The following AK5 variants were observed in gnomAD, a reference collection of about 807,000 sequenced individuals.
AK5 encodes adenylate kinase 5.
AK5 carries 27 observed loss-of-function variants against 69.5 expected under a neutral mutation model. The ratio of observed to expected loss-of-function variants is 0.39; its 90% CI spans 0.29 to 0.54. The LOEUF (loss-of-function observed/expected upper bound fraction) is 0.54. Among genes scored for constraint, AK5 ranks in the 20% least tolerant of loss-of-function variants. AK5 has a pLI of 0.71. For missense variants in AK5, 531 were observed against 700.4 expected (o/e 0.76, Z 2.73); for synonymous variants, 260 against 244.4 (o/e 1.06, Z -0.60).
intron 8 of AK5, among the ~76,000 whole-genome samples, chr1:77,477,302 A>G (rs1284592603): frequency 6.6e-6 from 1 of 152,184 alleles, no homozygotes; most frequent in Non-Finnish European, 1.5e-5. Flanking sequence ...TGCTGGGATT[A>G]TAGACATGAG....
At chr1:77,282,796 G>A in intron 1 of AK5, 2 of 995,190 alleles carry the variant, frequency 2.0e-6, no homozygotes, top group Non-Finnish European at 2.4e-6. Flanking sequence ...TCTGCTGGTC[G>A]AGGGTCGGAA....
At chr1:77,535,658 A>G (rs1289422099) in intron 12 of AK5, among the ~76,000 whole-genome samples, 189 bp from the exon 13 acceptor site, 1 of 152,162 alleles carries the variant, frequency 6.6e-6, no homozygotes, top group Non-Finnish European at 1.5e-5. Flanking sequence ...GCTCTGAGGC[A>G]GTGTGTAGAA....
chr1:77,376,456 A>C (rs1461595965), intron 6 of AK5, among the ~76,000 whole-genome samples: 3 of 146,344 alleles, frequency 2.0e-5, no homozygotes, highest in African/African-American at 7.5e-5. Context: ...AAAAACAAAA[A>C]AAAAAAACAT....
At chr1:77,484,159 CA>C (rs35490046) in intron 9 of AK5, among the ~76,000 whole-genome samples, 55,829 of 122,776 alleles carry the variant, frequency 0.45, 10,703 homozygotes, top group Middle Eastern at 0.56. Context: ...GACTACGTCT[CA>C]AAAAAAAAAA....
At chr1:77,341,382 T>C (rs1252412880) in intron 6 of AK5, among the ~76,000 whole-genome samples, 1 of 152,222 alleles carries the variant, frequency 6.6e-6, no homozygotes, top group African/African-American at 2.4e-5. Context: ...GACAGCTAGA[T>C]GGTGGCAGAC....
rs554288424 is a variant in AK5, at chr1:77,351,258, G to T, written c.891+10690G>T. Among the ~76,000 whole-genome samples the T allele has an allele frequency of 1.4e-4, 21 of 152,202 alleles. No homozygotes were observed. In the East Asian group the frequency reaches 3.9e-3, roughly 28 times the overall value. On this transcript the variant is annotated intron_variant, in intron 6 of 13. Coordinates refer to ENST00000354567, the MANE Select transcript of AK5 (RefSeq NM_174858.3). ...AAAATACAAAAAATTAGTTGGGCAT[G>T]GTGGTGCACACCTGCAGTCCCGGCT...
intron 6 of AK5, among the ~76,000 whole-genome samples, chr1:77,373,409 G>A (rs1326035047): frequency 1.3e-5 from 2 of 152,152 alleles, no homozygotes; most frequent in African/African-American, 4.8e-5. Flanking sequence ...TATTTGCTGA[G>A]GTAGTGAGTG....
chr1:77,362,722 A>G (rs1646886511), intron 6 of AK5, among the ~76,000 whole-genome samples: 1 of 152,198 alleles, frequency 6.6e-6, no homozygotes, highest in African/African-American at 2.4e-5. Context: ...GAAAAATCAA[A>G]TCAGTAGTAA....
At chr1:77,526,830 C>T (rs1359848961) in intron 12 of AK5, among the ~76,000 whole-genome samples, 1 of 151,504 alleles carries the variant, frequency 6.6e-6, no homozygotes, top group African/African-American at 2.4e-5. Context: ...TCTTGAAACC[C>T]TCAAATGATC....
chr1:77,379,764 G>A (rs1647496361), intron 6 of AK5, among the ~76,000 whole-genome samples: 1 of 152,136 alleles, frequency 6.6e-6, no homozygotes, highest in South Asian at 2.1e-4. Context: ...CATTACTGCT[G>A]TTTGATCTCC....
intron 6 of AK5, among the ~76,000 whole-genome samples, chr1:77,365,804 G>A (rs923240069): frequency 5.3e-5 from 8 of 152,152 alleles, no homozygotes; most frequent in African/African-American, 1.9e-4. Flanking sequence ...TGGGACTTGG[G>A]GACCTCTGCT....
At chr1:77,525,067 T>C (rs981088506) in intron 12 of AK5, among the ~76,000 whole-genome samples, 1 of 152,092 alleles carries the variant, frequency 6.6e-6, no homozygotes, top group African/African-American at 2.4e-5. Context: ...CCACCACGCC[T>C]GGCTAATTTT....
chr1:77,437,628 CA>C (rs1652032819), intron 8 of AK5, among the ~76,000 whole-genome samples: 1 of 152,210 alleles, frequency 6.6e-6, no homozygotes, highest in South Asian at 2.1e-4. Flanking sequence ...AATATTCAAA[CA>C]TTTTCATTTT....
chr1:77,545,997 A>C (rs1659526606), intron 13 of AK5, among the ~76,000 whole-genome samples: 1 of 152,150 alleles, frequency 6.6e-6, no homozygotes, highest in Non-Finnish European at 1.5e-5. Flanking sequence ...GACTCTGCTT[A>C]AAATAGTCTT....
intron 8 of AK5, among the ~76,000 whole-genome samples, chr1:77,464,151 G>A (rs1654003905): frequency 6.6e-6 from 1 of 152,190 alleles, no homozygotes; most frequent in South Asian, 2.1e-4. Flanking sequence ...ATTCAGGCTT[G>A]CAGACAATTT....
At chr1:77,364,313 A>G (rs1194138214) in intron 6 of AK5, among the ~76,000 whole-genome samples, 2 of 152,200 alleles carry the variant, frequency 1.3e-5, no homozygotes, top group East Asian at 1.9e-4. Context: ...GTAAGGTGCA[A>G]TGATCAGATC....
At chr1:77,303,465 T>G (rs1659455079) in intron 5 of AK5, among the ~76,000 whole-genome samples, 2 of 152,270 alleles carry the variant, frequency 1.3e-5, no homozygotes, top group South Asian at 4.1e-4. Flanking sequence ...TTAAAAAGTG[T>G]TGAGAGAGAT....
intron 6 of AK5, among the ~76,000 whole-genome samples, chr1:77,367,551 TTATTTTTATA>T (rs369550671): frequency 0.44 from 8,717 of 19,682 alleles, 1,679 homozygotes; most frequent in East Asian, 0.63. Flanking sequence ...CTCATTTATG[TTATTTTTATA>T]TATATATATA....
intron 12 of AK5, among the ~76,000 whole-genome samples, chr1:77,523,172 A>C (rs765467800): frequency 2.4e-4 from 37 of 152,184 alleles, no homozygotes; most frequent in Non-Finnish European, 5.1e-4. Context: ...AAAATACTTC[A>C]AGGTCAATTG....
Sources: allele counts gnomAD v4.1 joint callset (sites outside exome capture counted in the v4.1 genomes callset), GRCh38; gene constraint gnomAD v4.1.1; transcripts MANE v1.5; gene names NCBI Gene and HGNC (gene_info 2026-07-23, HGNC 2026-07-21).